Variants in KCNS3 observed in about 807,000 individuals in gnomAD.
The protein encoded by KCNS3 is delayed-rectifier potassium channel regulatory subunit KCNS3.
In KCNS3, 13 loss-of-function variants were observed where a neutral mutation model predicts 31.0. That is an observed-to-expected ratio of 0.42 (90% CI 0.27 to 0.67). KCNS3 has a LOEUF of 0.67. Among genes scored for constraint, KCNS3 ranks in the 30% least tolerant of loss-of-function variants. The probability of loss-of-function intolerance (pLI) is 0.25; values close to 1 mark genes in which losing one functional copy is unlikely to be tolerated. For synonymous variants in KCNS3, 238 were observed against 241.5 expected, an observed-to-expected ratio of 0.99 and a Z score of 0.13; for missense variants, 545 against 622.4, an observed-to-expected ratio of 0.88 and a Z score of 1.32.
At chr2:17,900,443 A>G (rs1662146958) in intron 1 of KCNS3, among the ~76,000 whole-genome samples, 1 of 152,048 alleles carries the variant, frequency 6.6e-6, no homozygotes, top group Non-Finnish European at 1.5e-5. Context: ...AAACAAGTGC[A>G]GAGACCTGGA....
At chr2:17,916,789 C>T (rs1212163266) in intron 1 of KCNS3, among the ~76,000 whole-genome samples, 3 of 151,158 alleles carry the variant, frequency 2.0e-5, no homozygotes, top group African/African-American at 7.3e-5. Context: ...TCATAAACCA[C>T]AGTGAATGTT....
At chr2:17,929,024 G>A (rs180673200) in intron 2 of KCNS3, among the ~76,000 whole-genome samples, 138 of 152,300 alleles carry the variant, frequency 9.1e-4, no homozygotes, top group Non-Finnish European at 1.7e-3. Flanking sequence ...CAGCTTTCAC[G>A]CTGCTGTCAT....
At chr2:17,886,232 T>C (rs1280376975) in intron 1 of KCNS3, among the ~76,000 whole-genome samples, 1 of 152,194 alleles carries the variant, frequency 6.6e-6, no homozygotes, top group Non-Finnish European at 1.5e-5. Context: ...TGCTATGCAC[T>C]GGATTGGCTT....
intron 2 of KCNS3, among the ~76,000 whole-genome samples, chr2:17,921,473 TA>T (rs777967782): frequency 6.6e-6 from 1 of 152,226 alleles, no homozygotes; most frequent in East Asian, 1.9e-4. Flanking sequence ...TGATTTTTTT[TA>T]TAATATCAAG....
chr2:17,903,238 C>A (rs2125241073), intron 1 of KCNS3, among the ~76,000 whole-genome samples: 1 of 152,256 alleles, frequency 6.6e-6, no homozygotes, highest in East Asian at 1.9e-4. Flanking sequence ...TACCATGTGT[C>A]ACATGAAGTT....
At chr2:17,922,102 C>T (rs1048464789) in intron 2 of KCNS3, among the ~76,000 whole-genome samples, 2 of 150,942 alleles carry the variant, frequency 1.3e-5, no homozygotes, top group African/African-American at 4.9e-5. Flanking sequence ...TTGCTGATTG[C>T]ACCCCTGTGG....
chr2:17,882,533 T>A (rs558236808), intron 1 of KCNS3, among the ~76,000 whole-genome samples: 1 of 152,254 alleles, frequency 6.6e-6, no homozygotes, highest in Non-Finnish European at 1.5e-5. Context: ...TCGAGAGTCC[T>A]TGGGGAGTGG....
At position 17,921,273 on chromosome 2, in the gene KCNS3, G is replaced by A. The variant is rs369910115; in HGVS notation, c.-60+3402G>A. Among the ~76,000 whole-genome samples, 38 of 152,180 alleles carry A rather than the reference G, an allele frequency of 2.5e-4. 1 individual carries two copies. Among genetic ancestry groups the A allele is most frequent in the African/African-American group, 7.9e-4 (33 of 41,530 alleles). Reference sequence around the variant, plus strand: ...ACTCTTTTGTGCCTATCCATGACCCGCTGCAACAGTGATTAACTCATAGCC... The same window carrying A: ...ACTCTTTTGTGCCTATCCATGACCCACTGCAACAGTGATTAACTCATAGCC... On this transcript the variant is annotated intron_variant, in intron 2 of 2. Coordinates refer to ENST00000304101, the MANE Select transcript of KCNS3 (RefSeq NM_002252.5).
Position 17,932,629 on chromosome 2 carries a change from A to T in KCNS3, c.*145A>T. On this transcript the variant is annotated 3_prime_UTR_variant, in exon 3 of 3. Transcript: ENST00000304101. ...TTGGACATTCATTGCTGAATTCTGA[A>T]ATGATAGAATTGTCTTTATTTTTCT... The T allele has an allele frequency of 1.2e-6, 1 of 806,380 alleles. No homozygotes were observed. The highest frequency in any genetic ancestry group is 2.7e-5 in the East Asian group (1 of 37,204). 50.0% of individuals were successfully genotyped at this position (806,380 alleles called of 1,614,324 possible).
chr2:17,885,923 G>A (rs369643624), intron 1 of KCNS3, among the ~76,000 whole-genome samples: 3 of 152,128 alleles, frequency 2.0e-5, no homozygotes, highest in Non-Finnish European at 4.4e-5. Flanking sequence ...ACCTGATGGG[G>A]CATTAAAGAA....
intron 2 of KCNS3, among the ~76,000 whole-genome samples, chr2:17,920,000 A>G (rs1662676176): frequency 6.6e-6 from 1 of 152,164 alleles, no homozygotes. Flanking sequence ...ATATCCCCAC[A>G]TGGCATGACC....
intron 2 of KCNS3, among the ~76,000 whole-genome samples, chr2:17,927,001 T>C (rs994188121): frequency 3.9e-5 from 6 of 152,208 alleles, no homozygotes; most frequent in Non-Finnish European, 8.8e-5. Flanking sequence ...AAACGATCTT[T>C]TGTGAATGCA....
At chr2:17,913,214 AT>A (rs1411249963) in intron 1 of KCNS3, among the ~76,000 whole-genome samples, 2 of 152,232 alleles carry the variant, frequency 1.3e-5, no homozygotes, top group Non-Finnish European at 2.9e-5. Flanking sequence ...GTTATTATTC[AT>A]ATAATTTTAT....
chr2:17,893,624 G>A (rs1416171723), intron 1 of KCNS3, among the ~76,000 whole-genome samples: 1 of 152,096 alleles, frequency 6.6e-6, no homozygotes, highest in South Asian at 2.1e-4. Flanking sequence ...TATTTCGCTC[G>A]GCTCTCTAAC....
intron 1 of KCNS3, among the ~76,000 whole-genome samples, chr2:17,910,261 ACT>A (rs1558454898): frequency 6.6e-6 from 1 of 152,226 alleles, no homozygotes; most frequent in Non-Finnish European, 1.5e-5. Flanking sequence ...CTCTTCAATA[ACT>A]CTGATAGGAT....
intron 1 of KCNS3, among the ~76,000 whole-genome samples, chr2:17,887,881 G>A (rs1234888847): frequency 6.6e-6 from 1 of 152,098 alleles, no homozygotes; most frequent in East Asian, 1.9e-4. Context: ...CAGGAGTAAA[G>A]TGGTATCACA....
At chr2:17,922,157 A>T (rs1259287225) in intron 2 of KCNS3, among the ~76,000 whole-genome samples, 1 of 151,062 alleles carries the variant, frequency 6.6e-6, no homozygotes, top group Non-Finnish European at 1.5e-5. Context: ...TGTTCAGTAA[A>T]ATCTAGTTAT....
chr2:17,922,357 A>G (rs1662738505), intron 2 of KCNS3, among the ~76,000 whole-genome samples: 1 of 151,976 alleles, frequency 6.6e-6, no homozygotes, highest in African/African-American at 2.4e-5. Flanking sequence ...CTATTTATTC[A>G]CTTATTTTTA....
chr2:17,904,151 G>C (rs1393546996), intron 1 of KCNS3, among the ~76,000 whole-genome samples: 1 of 152,158 alleles, frequency 6.6e-6, no homozygotes, highest in African/African-American at 2.4e-5. Context: ...GATTGCCATT[G>C]TAACTGGTGT....
Sources: allele counts gnomAD v4.1 joint callset (sites outside exome capture counted in the v4.1 genomes callset), GRCh38; gene constraint gnomAD v4.1.1; transcripts MANE v1.5; gene names NCBI Gene and HGNC (gene_info 2026-07-23, HGNC 2026-07-21).